ERBB4: variants seen among roughly 807,000 people sequenced by gnomAD.
The protein encoded by ERBB4 is erb-b2 receptor tyrosine kinase 4.
ERBB4 carries 42 observed loss-of-function variants against 158.0 expected under a neutral mutation model. The ratio of observed to expected loss-of-function variants is 0.27; its 90% confidence interval spans 0.21 to 0.34. ERBB4 has a LOEUF of 0.34. ERBB4 is among the 10% of genes least tolerant of loss of function. ERBB4 has a pLI of 1.00. For missense variants in ERBB4, 1,333 were observed against 1,624.1 expected (o/e 0.82, Z 3.08); for synonymous variants, 583 against 558.7 (o/e 1.04, Z -0.61).
chr2:212,331,075 C>CATATATATATATATATATACACGT (rs1553619158), intron 1 of ERBB4, among the ~76,000 whole-genome samples: 7 of 21,350 alleles, frequency 3.3e-4, no homozygotes, highest in South Asian at 1.7e-3. Flanking sequence ...TATATATACA[C>CATATATATATATATATATACACGT]ATATATATAT....
At chr2:212,301,158 C>T (rs1261780345) in intron 1 of ERBB4, among the ~76,000 whole-genome samples, 1 of 149,936 alleles carries the variant, frequency 6.7e-6, no homozygotes, top group Non-Finnish European at 1.5e-5. Flanking sequence ...ACATTATAAA[C>T]CTTTCCTTTC....
intron 1 of ERBB4, among the ~76,000 whole-genome samples, chr2:212,424,807 ATACT>A (rs1490736856): frequency 1.3e-5 from 2 of 152,154 alleles, no homozygotes; most frequent in African/African-American, 4.8e-5. Context: ...AAATCCACAA[ATACT>A]TAGTTTATGT....
intron 1 of ERBB4, among the ~76,000 whole-genome samples, chr2:212,161,374 C>A (rs1442948961): frequency 6.6e-6 from 1 of 151,908 alleles, no homozygotes; most frequent in Non-Finnish European, 1.5e-5. Context: ...TTTCAATTAT[C>A]TTTGCCTCTA....
intron 2 of ERBB4, among the ~76,000 whole-genome samples, chr2:212,058,428 T>G (rs747205695): frequency 6.6e-6 from 1 of 152,184 alleles, no homozygotes; most frequent in Non-Finnish European, 1.5e-5. Flanking sequence ...GAATCCTCCC[T>G]AACTCATTTT....
chr2:211,661,222 G>T (rs766725141), intron 15 of ERBB4, among the ~76,000 whole-genome samples: 2 of 152,112 alleles, frequency 1.3e-5, no homozygotes, highest in Non-Finnish European at 2.9e-5. Flanking sequence ...AATACAAGCC[G>T]CTGAAAACTA....
intron 3 of ERBB4, among the ~76,000 whole-genome samples, chr2:211,938,254 G>A (rs1163821541): frequency 6.6e-6 from 1 of 152,044 alleles, no homozygotes; most frequent in Non-Finnish European, 1.5e-5. Context: ...TTACAACTGA[G>A]CATCCTTGTT....
chr2:212,273,480 A>G (rs1415194900), intron 1 of ERBB4, among the ~76,000 whole-genome samples: 2 of 151,844 alleles, frequency 1.3e-5, no homozygotes, highest in Non-Finnish European at 2.9e-5. Flanking sequence ...ATATGCTAAT[A>G]GCACTTACTA....
chr2:212,477,747 T>C (rs1167144528), intron 1 of ERBB4, among the ~76,000 whole-genome samples: 2 of 152,136 alleles, frequency 1.3e-5, no homozygotes, highest in African/African-American at 4.8e-5. Flanking sequence ...TGCATCTGTT[T>C]CCTCATCAGC....
chr2:211,782,825 C>G (rs906037710), intron 4 of ERBB4, among the ~76,000 whole-genome samples: 1 of 152,112 alleles, frequency 6.6e-6, no homozygotes, highest in African/African-American at 2.4e-5. Flanking sequence ...CAGCTTTGTT[C>G]TTTTGGCTTA....
At chr2:212,271,227 A>G (rs116325384) in intron 1 of ERBB4, among the ~76,000 whole-genome samples, 1,555 of 151,888 alleles carry the variant, frequency 0.01, 15 homozygotes, top group Non-Finnish European at 0.017. Flanking sequence ...GCCTGACAAA[A>G]CAAGTAAATA....
chr2:211,968,783 G>T (rs1559211278), intron 2 of ERBB4, among the ~76,000 whole-genome samples: 1 of 151,614 alleles, frequency 6.6e-6, no homozygotes, highest in Non-Finnish European at 1.5e-5. Context: ...TTTTTATTGG[G>T]GACGGGTTAC....
At chr2:212,038,692 T>C (rs1436706750) in intron 2 of ERBB4, among the ~76,000 whole-genome samples, 1 of 152,152 alleles carries the variant, frequency 6.6e-6, no homozygotes, top group African/African-American at 2.4e-5. Flanking sequence ...ATCATGGTGT[T>C]AAAGTTACAG....
rs893058146 is a variant in ERBB4, at chr2:212,221,311, A to G, written c.83-96408T>C. 7.9e-5 allele frequency among the ~76,000 whole-genome samples: 12 copies of G among 151,696 alleles called. No homozygotes were observed. The East Asian group carries it at 1.9e-3, about 25-fold the overall frequency. The stretch of plus-strand genomic sequence containing the variant: ...TTAAATGAATATGTAACTTTCATCA[A>G]TATACATTGTATTTCTTTAGCAACA... On this transcript the variant is annotated intron_variant, in intron 1 of 27. Coordinates refer to ENST00000342788, the MANE Select transcript of ERBB4 (RefSeq NM_005235.3).
chr2:211,853,526 C>T (rs1489009107), intron 3 of ERBB4, among the ~76,000 whole-genome samples: 1 of 151,978 alleles, frequency 6.6e-6, no homozygotes, highest in African/African-American at 2.4e-5. Flanking sequence ...TTCTTGATGA[C>T]CCAGTCCTGG....
At chr2:212,388,513 A>G (rs2090752930) in intron 1 of ERBB4, among the ~76,000 whole-genome samples, 1 of 152,060 alleles carries the variant, frequency 6.6e-6, no homozygotes, top group Admixed American at 6.6e-5. Context: ...GCAGAGAGGA[A>G]ATCTGAGCAG....
At chr2:211,788,968 T>A (rs1338722252) in intron 3 of ERBB4, among the ~76,000 whole-genome samples, 2 of 152,204 alleles carry the variant, frequency 1.3e-5, no homozygotes, top group Non-Finnish European at 2.9e-5. Flanking sequence ...TACTTGATTC[T>A]TTATTTCACA....
intron 20 of ERBB4, among the ~76,000 whole-genome samples, chr2:211,523,269 T>G (rs907275374): frequency 7.6e-5 from 11 of 145,098 alleles, no homozygotes; most frequent in African/African-American, 1.8e-4. Flanking sequence ...AAAACAGCCT[T>G]GAATTGCCAA....
At chr2:211,643,186 T>C (rs1478955400) in intron 16 of ERBB4, among the ~76,000 whole-genome samples, 2 of 152,076 alleles carry the variant, frequency 1.3e-5, no homozygotes, top group Non-Finnish European at 2.9e-5. Context: ...GGTGTAAACA[T>C]ACAACAAAAT....
At chr2:212,379,969 T>G (rs530544620) in intron 1 of ERBB4, among the ~76,000 whole-genome samples, 1 of 151,544 alleles carries the variant, frequency 6.6e-6, no homozygotes, top group South Asian at 2.1e-4. Flanking sequence ...CAGGCACCTG[T>G]ATCAGTTCTA....
Sources: allele counts gnomAD v4.1 joint callset (sites outside exome capture counted in the v4.1 genomes callset), GRCh38; gene constraint gnomAD v4.1.1; transcripts MANE v1.5; gene names NCBI Gene and HGNC (gene_info 2026-07-23, HGNC 2026-07-21).